Variants in TCF19 observed in about 807,000 individuals in gnomAD.
TCF19 encodes the protein transcription factor 19.
TCF19 carries 9 observed loss-of-function variants against 18.3 expected under a neutral mutation model. The observed-to-expected ratio is 0.49, with a 90% CI of 0.30 to 0.86. The LOEUF (loss-of-function observed/expected upper bound fraction) is 0.86, where lower values mean the gene tolerates loss of function less well. Among genes scored for constraint, TCF19 ranks in the 40% least tolerant of loss-of-function variants. The pLI, the probability that TCF19 is intolerant of heterozygous loss-of-function variation, is 0.07. For missense variants in TCF19, 376 were observed against 464.3 expected, an observed-to-expected ratio of 0.81 and a Z score of 1.75; for synonymous variants, 176 against 185.3, an observed-to-expected ratio of 0.95 and a Z score of 0.41.
In TCF19 at chr6:31,163,924, G is replaced by T; in HGVS notation, c.*1207G>T. 2.0e-6 allele frequency: 2 copies of T among 985,914 alleles called. No individual in the cohort carries two copies. Among genetic ancestry groups the T allele is most frequent in the Non-Finnish European group, 2.4e-6 (2 of 830,312 alleles). The allele number at this position is 985,914 out of a possible 1,614,324, so 61.1% of individuals were successfully genotyped here. A position where few individuals can be genotyped will look rare whatever the true frequency, so the allele number is the denominator to read the frequency against. On this transcript the variant is annotated 3_prime_UTR_variant, in exon 4 of 4. Transcript: ENST00000376257. The stretch of plus-strand genomic sequence containing the variant: ...TGAGTAACTAATGAGTCACTTATGG[G>T]CAGAGTATGCAAAAACCTTAAGTGG...
rs1383090550 is a variant in TCF19 at position 31,163,023 on chromosome 6, T to C, written c.*306T>C. 3 of 1,235,082 alleles carry C rather than the reference T, an allele frequency of 2.4e-6. No individual in the cohort carries two copies. The highest frequency in any genetic ancestry group is 1.5e-5 in the African/African-American group (1 of 65,742). 76.5% of individuals were successfully genotyped at this position (1,235,082 alleles called of 1,614,324 possible). The stretch of plus-strand genomic sequence containing the variant: ...CCAGAATATCTGTAGTCAGAGCACC[T>C]ATCAGTTGCAAAAGCCATGCCTGCA... On this transcript the variant is annotated 3_prime_UTR_variant, in exon 4 of 4. Transcript: ENST00000376257.
rs781747131 is a variant in TCF19, at chr6:31,161,539, G to A, written c.331G>A (p.Gly111Arg). The change falls in exon 3 of 4, where the codon GGA becomes AGA. Residue 111 changes from glycine to arginine, a missense_variant. Transcript: ENST00000376257. ...GACCTTTGGCCCTGAAGGGCCCCCA[G>A]GAACCAGCCCCTCGGAGTTCTACTT... ...LLTFGPEGPP[G>R]TSPSEFYFMF... 2 of 1,577,418 alleles carry A rather than the reference G, an allele frequency of 1.3e-6. No individual in the cohort carries two copies. Among genetic ancestry groups the A allele is most frequent in the Non-Finnish European group, 1.7e-6 (2 of 1,165,232 alleles).
chr6:31,160,683 C>T lies in TCF19; in HGVS notation c.239-764C>T, dbSNP rs569948711. 1.8e-4 allele frequency among the ~76,000 whole-genome samples: 27 copies of T among 151,674 alleles called. 1 individual carries two copies. In the South Asian group the frequency reaches 4.4e-3, roughly 25 times the overall value. ...CTGAAGCAGCAGAATCACTTGAACCCGGGAGGCGGAGGTTGCAGTGAGCTG... is the reference window on the plus strand; with the variant it reads ...CTGAAGCAGCAGAATCACTTGAACCTGGGAGGCGGAGGTTGCAGTGAGCTG... On this transcript the variant is annotated intron_variant, in intron 2 of 3. Coordinates refer to ENST00000376257, the MANE Select transcript of TCF19 (RefSeq NM_007109.3).
rs753565326 is a variant in TCF19, at chr6:31,161,468, G to A, written c.260G>A (p.Arg87Gln). The change falls in exon 3 of 4, where the codon CGA (arginine) becomes CAA (glutamine). Residue 87 changes from arginine to glutamine, a missense_variant. Arg to Gln is a conservative substitution (Grantham distance 43). Coordinates refer to ENST00000376257, the MANE Select transcript of TCF19 (RefSeq NM_007109.3). ...ACAGGTACTTTGGTCAATAATGTCC[G>A]ACTCCCAAGAGGTCACAGGCTGGAA... ...SSQGTLVNNV[R>Q]LPRGHRLELS... 21 of 1,416,450 alleles carry A rather than the reference G, an allele frequency of 1.5e-5. No homozygotes were observed. The highest frequency in any genetic ancestry group is 1.8e-5 in the Non-Finnish European group (19 of 1,079,262). The allele number at this position is 1,416,450 out of a possible 1,614,324, so 87.7% of individuals were successfully genotyped here.
chr6:31,161,164 AAAAAG>A (rs34246910), intron 2 of TCF19, among the ~76,000 whole-genome samples: 63,798 of 138,138 alleles, frequency 0.46, 14,601 homozygotes, highest in Middle Eastern at 0.55. Flanking sequence ...AAAAAAAAAA[AAAAAG>A]AAAGAAAGAA....
chr6:31,161,111 ACTACTGCACTCC>A (rs749491898), intron 2 of TCF19, among the ~76,000 whole-genome samples: 20,071 of 148,740 alleles, frequency 0.13, 1,492 homozygotes, highest in East Asian at 0.28. Flanking sequence ...CTGAGATTGC[ACTACTGCACTCC>A]AGCTTGGGCA....
chr6:31,163,061 T>G lies in TCF19; in HGVS notation c.*344T>G. On this transcript the variant is annotated 3_prime_UTR_variant, in exon 4 of 4. Transcript: ENST00000376257. ...AGCCATGCCTGCAACCGATGGAAAA[T>G]GTAAGAGGGAGTTCTTAAGGTTCTT... The G allele has an allele frequency of 2.0e-5, 23 of 1,148,096 alleles. No individual in the cohort carries two copies. Among genetic ancestry groups the G allele is most frequent in the Non-Finnish European group, 2.5e-5 (23 of 931,862 alleles). 71.1% of individuals were successfully genotyped at this position (1,148,096 alleles called of 1,614,324 possible).
intron 2 of TCF19, among the ~76,000 whole-genome samples, chr6:31,160,318 C>T (rs1423204133): frequency 6.6e-6 from 1 of 152,174 alleles, no homozygotes; most frequent in Non-Finnish European, 1.5e-5. Context: ...GGTTAAGGAA[C>T]TTGTCCAGGG....
chr6:31,161,553 G>A lies in TCF19; in HGVS notation c.345G>A (p.Ser115=), dbSNP rs888242182. The change falls in exon 3 of 4, where the codon TCG becomes TCA. Residue 115 remains serine (S), a synonymous_variant. Transcript: ENST00000376257. ...AAGGGCCCCCAGGAACCAGCCCCTC[G>A]GAGTTCTACTTCATGTTCCAACAAG... ...GPEGPPGTSP[S]EFYFMFQQVR... is the part of the protein sequence containing the mutation. 5.7e-6 allele frequency: 9 copies of A among 1,586,750 alleles called. No homozygotes were observed. The highest frequency in any genetic ancestry group is 2.3e-5 in the South Asian group (2 of 86,664).
At position 31,161,497 on chromosome 6, in the gene TCF19, A is replaced by T; in HGVS notation, c.289A>T (p.Ser97Cys). The T allele has an allele frequency of 6.7e-7, 1 of 1,497,372 alleles. No individual in the cohort carries two copies. The highest frequency in any genetic ancestry group is 8.9e-7 in the Non-Finnish European group (1 of 1,125,804). 92.8% of individuals were successfully genotyped at this position (1,497,372 alleles called of 1,614,324 possible). ...RLPRGHRLEL[S>C]DGDLLTFGPE... ...CCCAAGAGGTCACAGGCTGGAATTG[A>T]GTGATGGAGACCTCCTGACCTTTGG... The change falls in exon 3 of 4, where the codon AGT (serine) becomes TGT (cysteine). Residue 97 changes from serine to cysteine, a missense_variant. Physicochemically the swap from Ser to Cys is moderately radical, Grantham distance 112. Coordinates refer to ENST00000376257, the MANE Select transcript of TCF19 (RefSeq NM_007109.3).
chr6:31,162,377 G>T lies in TCF19; in HGVS notation c.798-100G>T. 2.7e-6 allele frequency: 4 copies of T among 1,477,440 alleles called. No individual in the cohort carries two copies. The highest frequency in any genetic ancestry group is 3.6e-6 in the Non-Finnish European group (4 of 1,100,122). The allele number at this position is 1,477,440 out of a possible 1,614,324, so 91.5% of individuals were successfully genotyped here. ...CTCACCTTAGTTCTCAGACCACTGT[G>T]CCTCTGTGGCCTCACCCTATGACCA... On this transcript the variant is annotated intron_variant, in intron 3 of 3. Coordinates refer to ENST00000376257, the MANE Select transcript of TCF19 (RefSeq NM_007109.3). The surrounding 1 kb of genome is among the most constrained non-coding windows in gnomAD (Gnocchi z 4.5).
intron 2 of TCF19, among the ~76,000 whole-genome samples, chr6:31,160,841 G>C (rs759624911): frequency 6.6e-6 from 1 of 150,670 alleles, no homozygotes; most frequent in Non-Finnish European, 1.5e-5. Context: ...GCTGGAGCTG[G>C]GGGAGAGTGA....
chr6:31,159,502 G>T lies in TCF19; in HGVS notation c.33G>T (p.Gly11=), dbSNP rs1353055515. The stretch of plus-strand genomic sequence containing the variant: ...CCTGCTTCCAACTGCTGCGCATAGG[G>T]GGCGGCAGGGGCGGTGATCTCTACA... The part of the protein sequence containing the change: MLPCFQLLRI[G]GGRGGDLYTF... The change falls in exon 2 of 4, where the codon GGG becomes GGT. Residue 11 remains glycine (G), a synonymous_variant. Coordinates refer to ENST00000376257, the MANE Select transcript of TCF19 (RefSeq NM_007109.3). 33 of 1,588,012 alleles carry T rather than the reference G, an allele frequency of 2.1e-5. No individual in the cohort carries two copies. The highest frequency in any genetic ancestry group is 2.8e-5 in the Non-Finnish European group (33 of 1,167,866).
At chr6:31,160,064 A>G (rs1215054303) in intron 2 of TCF19, among the ~76,000 whole-genome samples, 1 of 152,204 alleles carries the variant, frequency 6.6e-6, no homozygotes, top group Non-Finnish European at 1.5e-5. Context: ...AATGTTTTTA[A>G]TAATCTGGGC....
Position 31,164,076 on chromosome 6 carries a change from G to T in TCF19, c.*1359G>T. The T allele has an allele frequency of 9.8e-7, 1 of 1,017,306 alleles. No individual in the cohort carries two copies. Among genetic ancestry groups the T allele is most frequent in the Non-Finnish European group, 1.2e-6 (1 of 848,276 alleles). The allele number at this position is 1,017,306 out of a possible 1,614,324, so 63.0% of individuals were successfully genotyped here. On this transcript the variant is annotated 3_prime_UTR_variant, in exon 4 of 4. Transcript: ENST00000376257. ...AAGCCATTTAAGAATTCCAGAGTAG[G>T]GTGGGAAAGCAAAAAGCCAGCTCTG...
intron 2 of TCF19, among the ~76,000 whole-genome samples, chr6:31,159,934 A>G (rs1327050174): frequency 6.6e-6 from 1 of 152,250 alleles, no homozygotes; most frequent in South Asian, 2.1e-4. Flanking sequence ...CTGGGATATC[A>G]TCAGAAAGAT....
chr6:31,162,711 G>A lies in TCF19; in HGVS notation c.1032G>A (p.Gln344=). The part of the protein sequence containing the change: ...FRCPGCRAGI[Q]T ...GCCCAGGGTGCCGGGCTGGCATTCA[G>A]ACCTAAGGTCCACTGCCAAGGCACC... The change falls in exon 4 of 4, where the codon CAG becomes CAA. Residue 344 remains glutamine (Q), a synonymous_variant. Transcript: ENST00000376257. This position sits in a 1 kb window ranked among gnomAD's most constrained non-coding sequence, Gnocchi z 4.5. 1 of 1,611,096 alleles carries A rather than the reference G, an allele frequency of 6.2e-7. No individual in the cohort carries two copies.
At chr6:31,161,284 G>A (rs541409297) in intron 2 of TCF19, among the ~76,000 whole-genome samples, 163 bp from the exon 3 acceptor site, 23 of 152,316 alleles carry the variant, frequency 1.5e-4, no homozygotes, top group Admixed American at 1.4e-3. Context: ...GACAAGGAGT[G>A]TACTGCCTGG....
rs1776866151 is a variant in TCF19 at position 31,162,599 on chromosome 6, G to C, written c.920G>C (p.Trp307Ser). 6.2e-7 allele frequency: 1 copy of C among 1,612,974 alleles called. No individual in the cohort carries two copies. ...CTGCCCCAGGAAGAGACAGTGGCCT[G>C]GGTTCAGTGTGATGGCTGTGACGTC... ...CCLPQEETVA[W>S]VQCDGCDVWF... The change falls in exon 4 of 4, where the codon TGG (tryptophan) becomes TCG (serine). Residue 307 changes from tryptophan (W) to serine (S), a missense_variant. Transcript: ENST00000376257. This position sits in a 1 kb window ranked among gnomAD's most constrained non-coding sequence, Gnocchi z 4.5.
Sources: allele counts gnomAD v4.1 joint callset (sites outside exome capture counted in the v4.1 genomes callset), GRCh38; gene constraint gnomAD v4.1.1; non-coding constraint Gnocchi (gnomAD v3.1); transcripts MANE v1.5; gene names NCBI Gene and HGNC (gene_info 2026-07-23, HGNC 2026-07-21).